SGCD: variants seen among roughly 807,000 people sequenced by gnomAD.
The protein encoded by SGCD is delta-sarcoglycan.
SGCD carries 18 observed loss-of-function variants against 36.6 expected under a neutral mutation model. That is an observed-to-expected ratio of 0.49 (90% CI 0.34 to 0.73). The LOEUF (loss-of-function observed/expected upper bound fraction) is 0.73. Ranked by LOEUF, SGCD falls within the 30% of genes least tolerant of loss-of-function variation. The pLI, the probability that SGCD is intolerant of heterozygous loss-of-function variation, is 0.01. For synonymous variants in SGCD, 133 were observed against 130.6 expected (o/e 1.02, Z -0.12); for missense variants, 387 against 346.7 (o/e 1.12, Z -0.92).
chr5:156,320,077 T>C (rs1255727812), intron 3 of SGCD, among the ~76,000 whole-genome samples: 1 of 149,918 alleles, frequency 6.7e-6, no homozygotes, highest in African/African-American at 2.5e-5. Context: ...ATGAATTATT[T>C]GTCTTTGACA....
the SGCD span, among the ~76,000 whole-genome samples, chr5:155,745,287 A>C: frequency 6.6e-6 from 1 of 152,234 alleles, no homozygotes; most frequent in South Asian, 2.1e-4. Context: ...GAGTTTAAAC[A>C]TTGTCCATAT....
At chr5:156,372,273 T>G (rs1770425441) in intron 3 of SGCD, among the ~76,000 whole-genome samples, 1 of 152,220 alleles carries the variant, frequency 6.6e-6, no homozygotes, top group African/African-American at 2.4e-5. Flanking sequence ...GGATTTATGT[T>G]TTATAGCACC....
chr5:156,185,212 C>CTTTTTTTT (rs755578762), intron 3 of SGCD, among the ~76,000 whole-genome samples: 1 of 113,232 alleles, frequency 8.8e-6, no homozygotes, highest in Admixed American at 9.7e-5. Context: ...CTTTAATTTT[C>CTTTTTTTT]TTTTTTTTTT....
chr5:156,376,984 G>C (rs750220948), intron 3 of SGCD, among the ~76,000 whole-genome samples: 4 of 151,906 alleles, frequency 2.6e-5, no homozygotes, highest in Non-Finnish European at 5.9e-5. Context: ...TAAAAAAAAT[G>C]ACTAAAAATA....
At chr5:156,056,030 A>G (rs1452233346) in intron 1 of SGCD, among the ~76,000 whole-genome samples, 1 of 146,740 alleles carries the variant, frequency 6.8e-6, no homozygotes, top group African/African-American at 2.5e-5. Flanking sequence ...ACCAGTGTGG[A>G]CTAGACTTAT....
chr5:155,857,065 C>T, the SGCD span, among the ~76,000 whole-genome samples: 1 of 152,000 alleles, frequency 6.6e-6, no homozygotes, highest in Non-Finnish European at 1.5e-5. Flanking sequence ...GAAACCCCAT[C>T]TCTACGAAAA....
intron 6 of SGCD, among the ~76,000 whole-genome samples, chr5:156,606,653 A>G (rs1245998810): frequency 6.6e-6 from 1 of 152,234 alleles, no homozygotes; most frequent in Non-Finnish European, 1.5e-5. Flanking sequence ...GGCCATTTCC[A>G]TGATACTGAT....
At position 155,978,723 on chromosome 5, in the gene SGCD, A is replaced by T. The variant is rs75890113; in HGVS notation, c.-282+108299A>T. On this transcript the variant is annotated intron_variant, in intron 1 of 9. Transcript: ENST00000517913. Reference sequence around the variant, plus strand: ...AACAATAGAAACTGTTAGTCTTCAAACCTATAAATATACTCATTTTTGTTA... The same window carrying T: ...AACAATAGAAACTGTTAGTCTTCAATCCTATAAATATACTCATTTTTGTTA... Among the ~76,000 whole-genome samples, 44 of 152,316 alleles carry T rather than the reference A, an allele frequency of 2.9e-4. 1 individual carries two copies. The East Asian group carries it at 7.7e-3, about 27-fold the overall frequency.
chr5:156,653,998 G>A (rs138437803), intron 7 of SGCD, among the ~76,000 whole-genome samples: 2 of 152,218 alleles, frequency 1.3e-5, no homozygotes, highest in African/African-American at 4.8e-5. Flanking sequence ...TAAGAGTTGG[G>A]CGCCTAATGC....
chr5:156,632,929 A>G (rs1762690577), intron 6 of SGCD, among the ~76,000 whole-genome samples: 1 of 152,206 alleles, frequency 6.6e-6, no homozygotes, highest in African/African-American at 2.4e-5. Context: ...AGGTCATGGG[A>G]AAACAGAGTA....
intron 3 of SGCD, among the ~76,000 whole-genome samples, chr5:156,144,356 A>T (rs1272284220): frequency 6.6e-6 from 1 of 152,168 alleles, no homozygotes; most frequent in Non-Finnish European, 1.5e-5. Context: ...TCCCACCAAC[A>T]GTGTAAAAGT....
At chr5:156,325,482 A>C (rs1452003521), upstream of SGCD, among the ~76,000 whole-genome samples, 3 of 152,168 alleles carry the variant, frequency 2.0e-5, no homozygotes, top group Non-Finnish European at 4.4e-5. Context: ...CATTTCACAG[A>C]TGAGGAAACA....
chr5:156,688,746 G>A (rs32068), intron 7 of SGCD, among the ~76,000 whole-genome samples: 139,578 of 152,270 alleles, frequency 0.92, 64,149 homozygotes, highest in East Asian at 0.99. Context: ...CGATGGCTCT[G>A]TTGGATGGTA....
At chr5:156,513,844 C>T (rs2127883941) in intron 4 of SGCD, among the ~76,000 whole-genome samples, 1 of 152,340 alleles carries the variant, frequency 6.6e-6, no homozygotes, top group Admixed American at 6.5e-5. Context: ...TTCTAGCTTT[C>T]AGCCACATGG....
chr5:156,606,578 G>C (rs1452062369), intron 6 of SGCD, among the ~76,000 whole-genome samples: 1 of 152,086 alleles, frequency 6.6e-6, no homozygotes, highest in African/African-American at 2.4e-5. Flanking sequence ...TTCCAATTCT[G>C]TGAAGAAAGT....
At chr5:156,684,089 C>T (rs550699286) in intron 7 of SGCD, among the ~76,000 whole-genome samples, 9 of 152,220 alleles carry the variant, frequency 5.9e-5, no homozygotes, top group African/African-American at 1.9e-4. Context: ...CAGGGCCCTG[C>T]ACATAGTAGG....
the SGCD span, among the ~76,000 whole-genome samples, chr5:155,792,712 C>T: frequency 6.6e-6 from 1 of 152,140 alleles, no homozygotes; most frequent in African/African-American, 2.4e-5. Context: ...GAGATACCAT[C>T]TCACACCAGT....
chr5:156,162,811 A>G (rs1420355383), intron 3 of SGCD, among the ~76,000 whole-genome samples: 1 of 151,698 alleles, frequency 6.6e-6, no homozygotes, highest in Non-Finnish European at 1.5e-5. Flanking sequence ...TGCCTCCTGA[A>G]TTACATGTAG....
At chr5:156,670,217 C>T (rs1753231362) in intron 7 of SGCD, among the ~76,000 whole-genome samples, 1 of 152,132 alleles carries the variant, frequency 6.6e-6, no homozygotes. Flanking sequence ...TCCATGTGGT[C>T]AGGACGGACA....
Sources: allele counts gnomAD v4.1 joint callset (sites outside exome capture counted in the v4.1 genomes callset), GRCh38; gene constraint gnomAD v4.1.1; transcripts MANE v1.5; gene names NCBI Gene and HGNC (gene_info 2026-07-23, HGNC 2026-07-21).